NLGN1: variants seen among roughly 807,000 people sequenced by gnomAD.
NLGN1 encodes the protein neuroligin 1, also known as neuroligin-1.
NLGN1 carries 12 observed loss-of-function variants against 65.5 expected under a neutral mutation model. That is an observed-to-expected ratio of 0.18 (90% CI 0.12 to 0.30). The LOEUF (loss-of-function observed/expected upper bound fraction) is 0.30, where lower values mean the gene tolerates loss of function less well. Among genes scored for constraint, NLGN1 ranks in the 10% least tolerant of loss-of-function variants. NLGN1 has a pLI of 1.00. For synonymous variants in NLGN1, 350 were observed against 359.5 expected (o/e 0.97, Z 0.30); for missense variants, 750 against 1,007.1 (o/e 0.74, Z 3.46).
intron 4 of NLGN1, among the ~76,000 whole-genome samples, chr3:174,072,949 TATC>T (rs1208316981): frequency 2.6e-5 from 4 of 152,196 alleles, no homozygotes; most frequent in Admixed American, 2.6e-4. Context: ...ATGTAAATAG[TATC>T]ATATTTTCTG....
At chr3:173,621,711 G>T (rs1464411563) in intron 3 of NLGN1, among the ~76,000 whole-genome samples, 2 of 152,104 alleles carry the variant, frequency 1.3e-5, no homozygotes, top group Non-Finnish European at 1.5e-5. Flanking sequence ...AGTAGAATTG[G>T]AAAGTGACTG....
intron 4 of NLGN1, among the ~76,000 whole-genome samples, chr3:173,944,195 C>A (rs1370508172): frequency 1.3e-5 from 2 of 149,600 alleles, no homozygotes; most frequent in Non-Finnish European, 3.0e-5. Context: ...TAGAAAGCTT[C>A]CCGAAAGGAG....
At chr3:173,777,197 G>T (rs1780426103) in intron 3 of NLGN1, among the ~76,000 whole-genome samples, 1 of 151,868 alleles carries the variant, frequency 6.6e-6, no homozygotes, top group African/African-American at 2.4e-5. Context: ...ATGTAAGGTT[G>T]TTCTCTCAGT....
intron 4 of NLGN1, among the ~76,000 whole-genome samples, chr3:174,265,936 A>ATATGTATATATGTG (rs1748091879): frequency 6.8e-6 from 1 of 147,516 alleles, no homozygotes; most frequent in Non-Finnish European, 1.5e-5. Flanking sequence ...ATATGTGTAT[A>ATATGTATATATGTG]TATGTATATA....
rs148772920 is a variant in NLGN1 at position 174,071,832 on chromosome 3, G to A, written c.647-203483G>A. Among the ~76,000 whole-genome samples the A allele has an allele frequency of 1.7e-3, 264 of 152,024 alleles. 1 individual carries two copies. The highest frequency in any genetic ancestry group is 6.1e-3 in the African/African-American group (253 of 41,482). ...TTTATTATGTACATGTTTTCTGACC[G>A]AAACCGTATTCTGTGAGAAACTAAG... On this transcript the variant is annotated intron_variant, in intron 4 of 6. Transcript: ENST00000457714.
At chr3:173,417,718 T>A (rs1295743386) in intron 1 of NLGN1, among the ~76,000 whole-genome samples, 1 of 152,048 alleles carries the variant, frequency 6.6e-6, no homozygotes, top group Non-Finnish European at 1.5e-5. Flanking sequence ...ATTTTGTAAC[T>A]TATAAATAGT....
At chr3:173,840,557 G>A (rs1427802753) in intron 4 of NLGN1, among the ~76,000 whole-genome samples, 1 of 152,130 alleles carries the variant, frequency 6.6e-6, no homozygotes, top group Non-Finnish European at 1.5e-5. Flanking sequence ...AAGAAATGAG[G>A]TTGTACAGGT....
intron 2 of NLGN1, among the ~76,000 whole-genome samples, chr3:173,466,681 A>G (rs998979732): frequency 3.3e-5 from 5 of 152,246 alleles, no homozygotes; most frequent in South Asian, 2.1e-4. Context: ...CAAGCTATCA[A>G]ATTAATCAGC....
chr3:173,764,993 G>T (rs922995638), intron 3 of NLGN1, among the ~76,000 whole-genome samples: 7 of 150,868 alleles, frequency 4.6e-5, no homozygotes, highest in Non-Finnish European at 7.4e-5. Context: ...CTTTAGATAG[G>T]CTTTGAAAAG....
At chr3:173,605,384 T>A (rs1751221325) in intron 3 of NLGN1, 150 bp from the exon 3 acceptor site, 1 of 443,692 alleles carries the variant, frequency 2.3e-6, no homozygotes, top group Non-Finnish European at 4.0e-6. Flanking sequence ...TGCATCAACA[T>A]TTCCTCATTG....
At position 174,280,983 on chromosome 3, in the gene NLGN1, A is replaced by G. The variant is rs759464262; in HGVS notation, c.2152A>G (p.Thr718Ala). Residue 718 changes from threonine to alanine, a missense_variant, in exon 7 of 7, where the codon ACT becomes GCT. Thr to Ala is a moderately conservative substitution (Grantham distance 58). Coordinates refer to ENST00000457714, the Ensembl canonical transcript of NLGN1. The surrounding 1 kb of genome is among the most constrained non-coding windows in gnomAD (Gnocchi z 4.9). Reference sequence around the variant, plus strand: ...CAGGAGATGCAGCCCTCAGCGCACTACTACCAATGATCTAACCCATGCACA... The same window carrying G: ...CAGGAGATGCAGCCCTCAGCGCACTGCTACCAATGATCTAACCCATGCACA... 1.2e-6 allele frequency: 2 copies of G among 1,613,406 alleles called. No homozygotes were observed. The highest frequency in any genetic ancestry group is 2.2e-5 in the South Asian group (2 of 91,074).
At chr3:173,553,601 G>A (rs555199672) in intron 2 of NLGN1, among the ~76,000 whole-genome samples, 2 of 152,282 alleles carry the variant, frequency 1.3e-5, no homozygotes, top group Admixed American at 6.5e-5. Flanking sequence ...GACCTCAGAG[G>A]TCACTTTGAA....
At chr3:174,124,755 A>G (rs1464736140) in intron 4 of NLGN1, among the ~76,000 whole-genome samples, 1 of 151,216 alleles carries the variant, frequency 6.6e-6, no homozygotes, top group Non-Finnish European at 1.5e-5. Context: ...ACACACGTAT[A>G]TAAAATATGT....
chr3:173,753,793 T>C (rs985387979), intron 3 of NLGN1, among the ~76,000 whole-genome samples: 1 of 151,890 alleles, frequency 6.6e-6, no homozygotes, highest in Non-Finnish European at 1.5e-5. Context: ...CTTTGAGTCA[T>C]CTATGTTCTA....
chr3:173,932,713 T>G (rs908970500), intron 4 of NLGN1, among the ~76,000 whole-genome samples: 2 of 152,118 alleles, frequency 1.3e-5, no homozygotes, highest in African/African-American at 4.8e-5. Context: ...AGAGTGATGG[T>G]TTCATCAAAT....
intron 3 of NLGN1, among the ~76,000 whole-genome samples, chr3:173,759,154 A>G (rs1777582547): frequency 6.6e-6 from 1 of 151,764 alleles, no homozygotes; most frequent in South Asian, 2.1e-4. Flanking sequence ...TTATTCTTTC[A>G]TGTAATTAAA....
intron 3 of NLGN1, among the ~76,000 whole-genome samples, chr3:173,756,152 AT>A (rs5854536): frequency 0.84 from 127,377 of 151,580 alleles, 53,914 homozygotes; most frequent in East Asian, 1. Context: ...ACATTTACAC[AT>A]TTTTTTTGTA....
chr3:173,447,961 G>C (rs1486902670), intron 2 of NLGN1, among the ~76,000 whole-genome samples: 1 of 152,170 alleles, frequency 6.6e-6, no homozygotes, highest in Non-Finnish European at 1.5e-5. Context: ...GAGATTTTGG[G>C]CTGAGACGAT....
intron 3 of NLGN1, among the ~76,000 whole-genome samples, chr3:173,682,168 ATTATATGAAAGAGT>A (rs1764031377): frequency 6.6e-6 from 1 of 152,182 alleles, no homozygotes; most frequent in Non-Finnish European, 1.5e-5. Flanking sequence ...TTTTGAAAGA[ATTATATGAAAGAGT>A]TTATGTACAA....
Sources: allele counts gnomAD v4.1 joint callset (sites outside exome capture counted in the v4.1 genomes callset), GRCh38; gene constraint gnomAD v4.1.1; non-coding constraint Gnocchi (gnomAD v3.1); transcripts MANE v1.5; gene names NCBI Gene and HGNC (gene_info 2026-07-23, HGNC 2026-07-21).